The following MDN1 variants were observed in gnomAD, a reference collection of about 807,000 sequenced individuals.
MDN1 encodes the protein midasin AAA ATPase 1, also known as midasin.
In MDN1, 266 loss-of-function variants were observed where a neutral mutation model predicts 669.2. The observed-to-expected ratio is 0.40, with a 90% confidence interval of 0.36 to 0.44. The LOEUF (loss-of-function observed/expected upper bound fraction) is 0.44, where lower values mean the gene tolerates loss of function less well. MDN1 is among the 20% of genes least tolerant of loss of function. The probability of loss-of-function intolerance (pLI) is 1.00; values close to 1 mark genes in which losing one functional copy is unlikely to be tolerated. For missense variants in MDN1, 5,940 were observed against 6,754.0 expected (o/e 0.88, Z 4.22); for synonymous variants, 2,385 against 2,457.1 (o/e 0.97, Z 0.87).
At chr6:89,769,908 A>G (rs950765431) in intron 15 of MDN1, among the ~76,000 whole-genome samples, 1 of 152,180 alleles carries the variant, frequency 6.6e-6, no homozygotes, top group Non-Finnish European at 1.5e-5. Flanking sequence ...ACTTAATGGT[A>G]TGAAATTACT....
In MDN1 at chr6:89,685,815, A is replaced by T. The variant is rs748248775; in HGVS notation, c.11719+12T>A. On this transcript the variant is annotated intron_variant, in intron 70 of 101. Transcript: ENST00000369393. Reference sequence around the variant, plus strand: ...CGTGCAATGTCAAAGGAAAGGAAAAAAAAATCCTCACCCTTTCCTTCAACC... The same window carrying T: ...CGTGCAATGTCAAAGGAAAGGAAAATAAAATCCTCACCCTTTCCTTCAACC... The T allele has an allele frequency of 5.0e-6, 8 of 1,610,266 alleles. No individual in the cohort carries two copies. Among genetic ancestry groups the T allele is most frequent in the Non-Finnish European group, 6.8e-6 (8 of 1,179,248 alleles).
intron 64 of MDN1, 111 bp from the exon 65 acceptor site, chr6:89,690,254 C>G: frequency 1.8e-6 from 2 of 1,102,314 alleles, no homozygotes; most frequent in Non-Finnish European, 2.6e-6. Flanking sequence ...TGAAATAGGA[C>G]TAATATATGT....
At chr6:89,648,840 C>T (rs569993263) in intron 97 of MDN1, among the ~76,000 whole-genome samples, 23 of 151,058 alleles carry the variant, frequency 1.5e-4, no homozygotes, top group African/African-American at 3.2e-4. Flanking sequence ...ACAATTTAGC[C>T]GGGCATGGTG....
Position 89,785,059 on chromosome 6 carries a change from A to AAT in MDN1, c.1400_1401dup (p.Trp468IlefsTer15). 1 of 1,614,140 alleles carries AAT rather than the reference A, an allele frequency of 6.2e-7. No individual in the cohort carries two copies. The highest frequency in any genetic ancestry group is 8.5e-7 in the Non-Finnish European group (1 of 1,179,984). ...AGGTTATCCAGGTGAATTTTGGTCC[A>AAT]ATATTTGTCTAGCAAAGTAGCATGA... is the stretch of plus-strand genomic sequence containing the variant. On this transcript the variant is annotated frameshift_variant, in exon 9 of 102. Coordinates refer to ENST00000369393, the MANE Select transcript of MDN1 (RefSeq NM_014611.3). LOFTEE classifies it high-confidence loss of function.
At position 89,788,525 on chromosome 6, in the gene MDN1, T is replaced by C. The variant is rs185449600; in HGVS notation, c.1231-568A>G. The stretch of plus-strand genomic sequence containing the variant: ...AAGCCATGGCACAAGAATTCTGTTA[T>C]GTGTAGGGTAGAATGTGCAGTAAGA... On this transcript the variant is annotated intron_variant, in intron 7 of 101. Coordinates refer to ENST00000369393, the MANE Select transcript of MDN1 (RefSeq NM_014611.3). Among the ~76,000 whole-genome samples, 621 of 152,316 alleles carry C rather than the reference T, an allele frequency of 4.1e-3. 20 individuals carry two copies. The highest frequency in any genetic ancestry group is 0.038 in the Admixed American group (575 of 15,298).
intron 32 of MDN1, 67 bp downstream of exon 32, chr6:89,740,167 A>G (rs1816206389): frequency 4.5e-6 from 7 of 1,545,250 alleles, no homozygotes; most frequent in East Asian, 4.7e-5. Flanking sequence ...ATTACATACT[A>G]TATTTACGAG....
rs1201493002 is a variant in MDN1, at chr6:89,758,904, G to A, written c.2517C>T (p.Asn839=). The A allele has an allele frequency of 2.5e-6, 4 of 1,613,944 alleles. No homozygotes were observed. Among genetic ancestry groups the A allele is most frequent in the Admixed American group, 3.3e-5 (2 of 60,016 alleles). ...KGEWILLDEI[N]LAAPEILECL... is the part of the protein sequence containing the mutation. ...ATTCTAGTATTTCTGGAGCAGCCAA[G>A]TTAATCTCATCCAACAAGATCCACT... Residue 839 remains asparagine (N), a synonymous_variant, in exon 18 of 102, where the codon AAC becomes AAT. Coordinates refer to ENST00000369393, the MANE Select transcript of MDN1 (RefSeq NM_014611.3).
In MDN1 at chr6:89,689,886, G is replaced by A; in HGVS notation, c.11007C>T (p.His3669=). Residue 3669 remains histidine, a synonymous_variant, in exon 65 of 102, where the codon CAC becomes CAT. Coordinates refer to ENST00000369393, the MANE Select transcript of MDN1 (RefSeq NM_014611.3). ...CTACCATACCCATCAGGGGGTAGAA[G>A]TGTGTCACAAGCGATGCCCCAGTCT... ...CYQTGASLVT[H]FYPLMGVELN... 1.9e-6 allele frequency: 3 copies of A among 1,614,100 alleles called. No homozygotes were observed. The highest frequency in any genetic ancestry group is 1.7e-6 in the Non-Finnish European group (2 of 1,180,008).
At chr6:89,770,839 C>T (rs951750927) in intron 15 of MDN1, among the ~76,000 whole-genome samples, 2 of 152,186 alleles carry the variant, frequency 1.3e-5, no homozygotes, top group Non-Finnish European at 2.9e-5. Context: ...ACTGTATACA[C>T]AAACATTAAT....
rs773873210 is a variant in MDN1, at chr6:89,650,832, CA to C, written c.15930del (p.Glu5311ArgfsTer7). 10 of 1,613,988 alleles carry C rather than the reference CA, an allele frequency of 6.2e-6. No individual in the cohort carries two copies. The highest frequency in any genetic ancestry group is 8.5e-6 in the Non-Finnish European group (10 of 1,179,848). ...AAGATCAGGTAACTCTGCCACATCTCAGCTGCAACCTTCTCCTGTGACAACA... is the reference window on the plus strand; with the variant it reads ...AAGATCAGGTAACTCTGCCACATCTCGCTGCAACCTTCTCCTGTGACAACA... ...SGNPEEEKVAAEMWQSYLILT... is the reference protein window; with the variant it reads ...SGNPEEEKVAXEMWQSYLILT... On this transcript the variant is annotated frameshift_variant, in exon 96 of 102. Coordinates refer to ENST00000369393, the MANE Select transcript of MDN1 (RefSeq NM_014611.3). LOFTEE classifies it high-confidence loss of function.
At position 89,803,478 on chromosome 6, in the gene MDN1, A is replaced by G. The variant is rs1767797287; in HGVS notation, c.179T>C (p.Leu60Pro). 1 of 1,614,084 alleles carries G rather than the reference A, an allele frequency of 6.2e-7. No homozygotes were observed. The stretch of plus-strand genomic sequence containing the variant: ...GAGAGGGCGAAGCTGGCGACCAACC[A>G]GCACAGTACAGTCCTTATCCAAAAG... ...QLLLDKDCTVLVGRQLRPLLL... is the reference protein window; with the variant it reads ...QLLLDKDCTVPVGRQLRPLLL... The change falls in exon 2 of 102, where the codon CTG becomes CCG. Residue 60 changes from leucine to proline, a missense_variant. Leu to Pro is a moderately conservative substitution (Grantham distance 98, BLOSUM62 -3). This residue lies in a region of MDN1 where 1,203 missense variants were observed against 1,268.9 expected (regional missense o/e 0.95). Coordinates refer to ENST00000369393, the MANE Select transcript of MDN1 (RefSeq NM_014611.3).
At chr6:89,738,293 C>T (rs201101699) in intron 33 of MDN1, 33 bp downstream of exon 33, 3 of 1,609,728 alleles carry the variant, frequency 1.9e-6, no homozygotes, top group South Asian at 1.1e-5. Flanking sequence ...CTTCTATGAC[C>T]CAATACTACC....
intron 69 of MDN1, 68 bp from the exon 70 acceptor site, chr6:89,686,041 G>A (rs1411280804): frequency 5.3e-6 from 8 of 1,502,012 alleles, no homozygotes; most frequent in Non-Finnish European, 7.2e-6. Context: ...TAACATGCAC[G>A]CAATCTATTT....
chr6:89,818,195 T>TGTAA (rs1286381387), intron 1 of MDN1, among the ~76,000 whole-genome samples: 2 of 151,658 alleles, frequency 1.3e-5, no homozygotes, highest in Non-Finnish European at 2.9e-5. Flanking sequence ...GGCGCACGCC[T>TGTAA]GTAATCCCAG....
chr6:89,766,923 T>A (rs1817828396), intron 15 of MDN1, among the ~76,000 whole-genome samples: 1 of 152,028 alleles, frequency 6.6e-6, no homozygotes, highest in Non-Finnish European at 1.5e-5. Context: ...TTTTCCTCTA[T>A]TTTTTTTCTT....
At chr6:89,656,237 G>A (rs946935366) in intron 91 of MDN1, among the ~76,000 whole-genome samples, 2 of 152,172 alleles carry the variant, frequency 1.3e-5, no homozygotes, top group African/African-American at 4.8e-5. Context: ...ATCTCTGAAA[G>A]AAGGAATTGG....
chr6:89,737,970 C>G (rs975344117), intron 33 of MDN1, among the ~76,000 whole-genome samples: 1 of 152,080 alleles, frequency 6.6e-6, no homozygotes, highest in Non-Finnish European at 1.5e-5. Context: ...GTGATCCGCC[C>G]ACCTTGGCCT....
intron 29 of MDN1, among the ~76,000 whole-genome samples, chr6:89,744,298 G>T (rs1390792343): frequency 6.6e-6 from 1 of 151,980 alleles, no homozygotes; most frequent in Non-Finnish European, 1.5e-5. Flanking sequence ...AATCATTCTT[G>T]CCAGGTACAG....
At chr6:89,794,395 A>G (rs1424213966) in intron 3 of MDN1, among the ~76,000 whole-genome samples, 182 bp downstream of exon 3, 2 of 152,232 alleles carry the variant, frequency 1.3e-5, no homozygotes, top group African/African-American at 4.8e-5. Flanking sequence ...AACTCCATTC[A>G]TATCATCTCA....
Sources: gnomAD v4.1 joint callset for allele counts (sites outside exome capture counted in the v4.1 genomes callset) on GRCh38, gnomAD v4.1.1 for gene constraint, gnomAD v4.1.1 regional missense constraint, MANE v1.5 for transcripts, NCBI Gene and HGNC (gene_info 2026-07-23, HGNC 2026-07-21) for gene names.